TDRD9: variants seen among roughly 807,000 people sequenced by gnomAD.
TDRD9 encodes the protein tudor domain containing 9, also known as ATP-dependent RNA helicase TDRD9.
A neutral mutation model predicts 172.6 loss-of-function variants in TDRD9; 124 were observed. That is an observed-to-expected ratio of 0.72 (90% confidence interval 0.62 to 0.83). The LOEUF (loss-of-function observed/expected upper bound fraction) is 0.83. Among genes scored for constraint, TDRD9 ranks in the 40% least tolerant of loss-of-function variants. TDRD9 has a pLI of 0.00. For synonymous variants in TDRD9, 619 were observed against 617.1 expected, an observed-to-expected ratio of 1.00 and a Z score of -0.05; for missense variants, 1,479 against 1,714.1, an observed-to-expected ratio of 0.86 and a Z score of 2.42.
chr14:103,975,986 T>C (rs2033221697), intron 7 of TDRD9, among the ~76,000 whole-genome samples: 2 of 152,156 alleles, frequency 1.3e-5, no homozygotes, highest in South Asian at 4.2e-4. Context: ...CACTAGAAGT[T>C]ATTTCTTATC....
intron 1 of TDRD9, among the ~76,000 whole-genome samples, chr14:103,953,050 G>A (rs1458475383): frequency 6.6e-6 from 1 of 152,084 alleles, no homozygotes; most frequent in African/African-American, 2.4e-5. Flanking sequence ...AGGAATTAAA[G>A]TTTTGCTGCA....
Position 103,995,807 on chromosome 14 carries a change from G to T in TDRD9, c.1378G>T (p.Val460Phe). ...TGTCACAGTTCCAGATGTCAAATAT[G>T]GTAAGATACTTCTCCGTTTACCTCC... ...SSVTVPDVKY[V>F]IDFCLTRTLV... is the part of the protein sequence containing the mutation. Residue 460 changes from valine to phenylalanine, a missense_variant and splice_region_variant, in exon 12 of 36, where the codon GTT (valine) becomes TTT (phenylalanine). By Grantham distance (50) the Val-to-Phe change is conservative (BLOSUM62 -1). Coordinates refer to ENST00000409874, the MANE Select transcript of TDRD9 (RefSeq NM_153046.3). 1 of 1,606,662 alleles carries T rather than the reference G, an allele frequency of 6.2e-7. No homozygotes were observed. Among genetic ancestry groups the T allele is most frequent in the South Asian group, 1.1e-5 (1 of 89,526 alleles).
At chr14:104,051,280 T>C (rs1215228979) in intron 35 of TDRD9, among the ~76,000 whole-genome samples, 3 of 152,188 alleles carry the variant, frequency 2.0e-5, no homozygotes, top group Non-Finnish European at 4.4e-5. Context: ...GATTGCACAA[T>C]TTCATTCTTT....
At chr14:104,001,130 T>C (rs917538265) in intron 13 of TDRD9, among the ~76,000 whole-genome samples, 1 of 152,196 alleles carries the variant, frequency 6.6e-6, no homozygotes, top group Non-Finnish European at 1.5e-5. Context: ...TTTGATCCCA[T>C]GTGTAAGTTT....
intron 29 of TDRD9, 87 bp downstream of exon 29, chr14:104,031,350 G>T: frequency 8.2e-7 from 1 of 1,218,856 alleles, no homozygotes; most frequent in Non-Finnish European, 1.1e-6. Flanking sequence ...TAGTCATGGT[G>T]GTTTTTTCTT....
intron 4 of TDRD9, among the ~76,000 whole-genome samples, 173 bp downstream of exon 4, chr14:103,965,727 A>C (rs1161475118): frequency 6.6e-6 from 1 of 151,462 alleles, no homozygotes; most frequent in Admixed American, 6.6e-5. Flanking sequence ...GGCGGATCAC[A>C]TTAGGTCGGG....
At chr14:104,026,307 A>G (rs2035116850) in intron 27 of TDRD9, among the ~76,000 whole-genome samples, 171 bp downstream of exon 27, 1 of 152,186 alleles carries the variant, frequency 6.6e-6, no homozygotes, top group African/African-American at 2.4e-5. Flanking sequence ...TGCTCTTCCA[A>G]AAATACATGA....
rs191429500 is a variant in TDRD9, at chr14:103,977,799, C to T, written c.1011+2246C>T. ...TTTTCTGCTAATAGCTTCATAGTTTCAGGATTTAGTTTAAGTCTTAAATCC... is the reference window on the plus strand; with the variant it reads ...TTTTCTGCTAATAGCTTCATAGTTTTAGGATTTAGTTTAAGTCTTAAATCC... On this transcript the variant is annotated intron_variant, in intron 7 of 35. Transcript: ENST00000409874. 1.5e-4 allele frequency among the ~76,000 whole-genome samples: 23 copies of T among 152,114 alleles called. No homozygotes were observed. The East Asian group carries it at 4.2e-3, about 28-fold the overall frequency.
chr14:104,037,324 C>T (rs993711281), intron 32 of TDRD9, among the ~76,000 whole-genome samples: 4 of 152,174 alleles, frequency 2.6e-5, no homozygotes, highest in Non-Finnish European at 4.4e-5. Context: ...CTCTCTAATG[C>T]GCACCCGCAT....
chr14:103,940,478 G>T, intron 1 of TDRD9: 2 of 201,224 alleles, frequency 9.9e-6, no homozygotes, highest in Non-Finnish European at 2.0e-5. Flanking sequence ...TAGAATAAAA[G>T]TCAAGGTTAA....
rs149841311 is a variant in TDRD9 at position 104,025,655 on chromosome 14, C to T, written c.2810C>T (p.Thr937Met). 37 of 1,613,902 alleles carry T rather than the reference C, an allele frequency of 2.3e-5. No individual in the cohort carries two copies. The highest frequency in any genetic ancestry group is 1.6e-4 in the Middle Eastern group (1 of 6,084). The part of the protein sequence containing the change: ...KKLTAEINQL[T>M]LVPLPTHPHP... Reference sequence around the variant, plus strand: ...CTTACTGCTGAAATCAACCAACTGACGCTGGTGCCCTTGCCCACTCACCCA... The same window carrying T: ...CTTACTGCTGAAATCAACCAACTGATGCTGGTGCCCTTGCCCACTCACCCA... The change falls in exon 26 of 36, where the codon ACG becomes ATG. Residue 937 changes from threonine to methionine, a missense_variant. Physicochemically the swap from Thr to Met is moderately conservative, Grantham distance 81. Coordinates refer to ENST00000409874, the MANE Select transcript of TDRD9 (RefSeq NM_153046.3).
chr14:103,947,313 TG>T lies in TDRD9; in HGVS notation c.216-8350del, dbSNP rs1328400262. On this transcript the variant is annotated intron_variant, in intron 1 of 35. Transcript: ENST00000409874. Reference sequence around the variant, plus strand: ...GTTTTTTTTGTTTGTTTGTTTGTTTTGTTTTTTTTGTTTTTTTGTTTTTTTT... The same window carrying T: ...GTTTTTTTTGTTTGTTTGTTTGTTTTTTTTTTTTGTTTTTTTGTTTTTTTT... Among the ~76,000 whole-genome samples the T allele has an allele frequency of 6.6e-5, 10 of 151,864 alleles. 1 individual carries two copies. The highest frequency in any genetic ancestry group is 6.2e-4 in the South Asian group (3 of 4,810).
chr14:104,050,414 A>G (rs978989731), intron 35 of TDRD9, among the ~76,000 whole-genome samples: 5 of 152,230 alleles, frequency 3.3e-5, no homozygotes, highest in Non-Finnish European at 7.3e-5. Flanking sequence ...AGCCCTTCAT[A>G]GGCTCCCTGG....
At chr14:103,981,657 C>T (rs2033478409) in intron 7 of TDRD9, among the ~76,000 whole-genome samples, 1 of 152,184 alleles carries the variant, frequency 6.6e-6, no homozygotes, top group Non-Finnish European at 1.5e-5. Context: ...TTTAATACAC[C>T]TGTCCTCCTA....
rs143806019 is a variant in TDRD9 at position 103,959,589 on chromosome 14, G to A, written c.323-3490G>A. ...CCTCTAATTCCAGTCCAGTGCCACAGGTTTCAGCATGAACATTTTGTTATA... is the reference window on the plus strand; with the variant it reads ...CCTCTAATTCCAGTCCAGTGCCACAAGTTTCAGCATGAACATTTTGTTATA... On this transcript the variant is annotated intron_variant, in intron 2 of 35. Transcript: ENST00000409874. Among the ~76,000 whole-genome samples the A allele has an allele frequency of 5.0e-3, 763 of 152,042 alleles. 8 individuals carry two copies. The highest frequency in any genetic ancestry group is 0.018 in the African/African-American group (735 of 41,444).
At position 103,994,327 on chromosome 14, in the gene TDRD9, C is replaced by T. The variant is rs1332922644; in HGVS notation, c.1181-5C>T. 1.6e-5 allele frequency: 25 copies of T among 1,612,476 alleles called. No homozygotes were observed. The highest frequency in any genetic ancestry group is 3.3e-5 in the Admixed American group (2 of 59,922). ...ATTTCCCTCCTCCACTTTTTTCTTC[C>T]CTAGGTCTGGGTGAAATAAATTATA... On this transcript the variant is annotated splice_region_variant and splice_polypyrimidine_tract_variant and intron_variant, in intron 9 of 35. Coordinates refer to ENST00000409874, the MANE Select transcript of TDRD9 (RefSeq NM_153046.3).
In TDRD9 at chr14:104,025,915, T is replaced by A; in HGVS notation, c.2932-132T>A. On this transcript the variant is annotated intron_variant, in intron 26 of 35. Coordinates refer to ENST00000409874, the MANE Select transcript of TDRD9 (RefSeq NM_153046.3). ...AAGTAGTCTGTTTCCCTCATTGATA[T>A]GTGGATTTAAGCTCAGGTCACTCCA... 5.1e-6 allele frequency: 5 copies of A among 977,694 alleles called. No individual in the cohort carries two copies. In the South Asian group the frequency reaches 7.7e-5, roughly 15 times the overall value. The allele number at this position is 977,694 out of a possible 1,614,324, so 60.6% of individuals were successfully genotyped here.
chr14:104,025,360 C>T (rs1162187821), intron 25 of TDRD9, among the ~76,000 whole-genome samples: 2 of 152,198 alleles, frequency 1.3e-5, no homozygotes, highest in Admixed American at 6.5e-5. Context: ...ATATTCCACA[C>T]ATTTCCTTAC....
In TDRD9 at chr14:103,935,723, A is replaced by G. The variant is rs1034156904; in HGVS notation, c.215+6999A>G. 6.6e-5 allele frequency among the ~76,000 whole-genome samples: 10 copies of G among 152,150 alleles called. 1 individual carries two copies. Among genetic ancestry groups the G allele is most frequent in the South Asian group, 4.1e-4 (2 of 4,830 alleles). ...TAGGTGGATGAGTTGCAGTGAGAAA[A>G]GGAGACTGAGAACAAGTGGTCAGAG... On this transcript the variant is annotated intron_variant, in intron 1 of 35. Coordinates refer to ENST00000409874, the MANE Select transcript of TDRD9 (RefSeq NM_153046.3).
Sources: allele counts gnomAD v4.1 joint callset (sites outside exome capture counted in the v4.1 genomes callset), GRCh38; gene constraint gnomAD v4.1.1; transcripts MANE v1.5; gene names NCBI Gene and HGNC (gene_info 2026-07-23, HGNC 2026-07-21).